Variants in PRTG observed in about 807,000 individuals in gnomAD.
PRTG encodes the protein immunoglobulin superfamily, DCC subclass, member 5.
Under a neutral mutation model 122.5 loss-of-function variants are expected in PRTG, and 67 were observed. The ratio of observed to expected loss-of-function variants is 0.55; its 90% CI spans 0.45 to 0.67. The LOEUF (loss-of-function observed/expected upper bound fraction) is 0.67, where lower values mean the gene tolerates loss of function less well. PRTG is among the 30% of genes least tolerant of loss of function. The pLI is 0.00. For synonymous variants in PRTG, 554 were observed against 501.1 expected, an observed-to-expected ratio of 1.11 and a Z score of -1.41; for missense variants, 1,435 against 1,415.4, an observed-to-expected ratio of 1.01 and a Z score of -0.22.
At chr15:55,683,673 G>A (rs1451600536) in intron 3 of PRTG, 114 bp downstream of exon 3, 2 of 789,568 alleles carry the variant, frequency 2.5e-6, no homozygotes, top group African/African-American at 3.5e-5. Flanking sequence ...TAAGCAATCA[G>A]TTATTACTGC....
intron 2 of PRTG, among the ~76,000 whole-genome samples, chr15:55,737,662 C>T (rs2031452571): frequency 6.6e-6 from 1 of 152,086 alleles, no homozygotes; most frequent in African/African-American, 2.4e-5. Context: ...ACCTTTTAAC[C>T]CTGTGAATTC....
chr15:55,627,226 T>C, intron 16 of PRTG, 98 bp from the exon 17 acceptor site: 1 of 759,692 alleles, frequency 1.3e-6, no homozygotes, highest in Non-Finnish European at 1.9e-6. Context: ...TTTCTTTATC[T>C]CATAGGAAAA....
chr15:55,696,273 C>G (rs1289780198), intron 2 of PRTG, among the ~76,000 whole-genome samples: 2 of 152,118 alleles, frequency 1.3e-5, no homozygotes, highest in African/African-American at 4.8e-5. Context: ...AAAAAAAGAA[C>G]ACGGGGAAAT....
chr15:55,652,317 A>T (rs1018256807), intron 11 of PRTG, among the ~76,000 whole-genome samples: 1 of 152,184 alleles, frequency 6.6e-6, no homozygotes, highest in African/African-American at 2.4e-5. Flanking sequence ...TGATCAGAAT[A>T]AGTAGGTAGG....
chr15:55,646,182 T>G lies in PRTG; in HGVS notation c.2042-4974A>C, dbSNP rs576882789. On this transcript the variant is annotated intron_variant, in intron 11 of 19. Transcript: ENST00000389286. ...CCACCATGCCCAGCTAGTTTTTTTTTTTTTTTTTTTTAGTACAGACGGGGT... is the reference window on the plus strand; with the variant it reads ...CCACCATGCCCAGCTAGTTTTTTTTGTTTTTTTTTTTAGTACAGACGGGGT... Among the ~76,000 whole-genome samples the G allele has an allele frequency of 6.5e-3, 979 of 150,446 alleles. 14 individuals are homozygous for G. Among genetic ancestry groups the G allele is most frequent in the African/African-American group, 0.023 (935 of 41,044 alleles).
chr15:55,738,002 C>CTCTCTCTCTATA lies in PRTG; in HGVS notation c.397+2379_397+2380insTATAGAGAGAGA, dbSNP rs1248440584. Reference sequence around the variant, plus strand: ...TCTCTCTCTCTCTCTCTCTCTCTCTCTATATATATATATATATATATATAC... The same window carrying CTCTCTCTCTATA: ...TCTCTCTCTCTCTCTCTCTCTCTCTCTCTCTCTCTATATATATATATATATATATATATATAC... On this transcript the variant is annotated intron_variant, in intron 2 of 19. Transcript: ENST00000389286. Among the ~76,000 whole-genome samples, 77 of 96,668 alleles carry CTCTCTCTCTATA rather than the reference C, an allele frequency of 8.0e-4. 1 individual carries two copies. Among genetic ancestry groups the CTCTCTCTCTATA allele is most frequent in the Non-Finnish European group, 1.1e-3 (55 of 48,860 alleles). 63.4% of individuals were successfully genotyped at this position (96,668 alleles called of 152,430 possible). A position where few individuals can be genotyped will look rare whatever the true frequency, so the allele number is the denominator to read the frequency against.
rs530597519 is a variant in PRTG, at chr15:55,716,248, AAACAAC to A, written c.397+24128_397+24133del. 5.3e-5 allele frequency among the ~76,000 whole-genome samples: 8 copies of A among 152,086 alleles called. No homozygotes were observed. In the South Asian group the frequency reaches 6.2e-4, roughly 12 times the overall value. ...TCTGTCTCAAAAACAGAAAACAAACAAACAACAACAACAACAACAAAACAATCAACT... is the reference window on the plus strand; with the variant it reads ...TCTGTCTCAAAAACAGAAAACAAACAAACAACAACAACAAAACAATCAACT... On this transcript the variant is annotated intron_variant, in intron 2 of 19. Coordinates refer to ENST00000389286, the MANE Select transcript of PRTG (RefSeq NM_173814.6).
At chr15:55,665,051 G>A (rs1015077444) in intron 11 of PRTG, among the ~76,000 whole-genome samples, 1 of 151,916 alleles carries the variant, frequency 6.6e-6, no homozygotes, top group Non-Finnish European at 1.5e-5. Flanking sequence ...GAGGTCAGGA[G>A]ATCGAGACCA....
rs1186486242 is a variant in PRTG at position 55,617,220 on chromosome 15, TG to T, written c.*2791del. ...TCAATGAGACCAAAGTATTTATTTT[TG>T]GTAAAAAAAAAAAATTTTCTCTCCA... On this transcript the variant is annotated 3_prime_UTR_variant, in exon 20 of 20. Transcript: ENST00000389286. 8.1e-5 allele frequency: 1 copy of T among 12,274 alleles called. No homozygotes were observed. The highest frequency in any genetic ancestry group is 4.4e-4 in the Non-Finnish European group (1 of 2,276). The allele number at this position is 12,274 out of a possible 1,614,324, so 0.8% of individuals were successfully genotyped here. A position where few individuals can be genotyped will look rare whatever the true frequency, so the allele number is the denominator to read the frequency against.
chr15:55,669,274 G>A (rs2059455266), intron 11 of PRTG, among the ~76,000 whole-genome samples: 1 of 152,106 alleles, frequency 6.6e-6, no homozygotes, highest in Non-Finnish European at 1.5e-5. Context: ...GCAAACAGAA[G>A]CATTTAAATT....
rs529547736 is a variant in PRTG at position 55,706,101 on chromosome 15, C to G, written c.398-22170G>C. The stretch of plus-strand genomic sequence containing the variant: ...GGTCTCAATCTCCTGACCTCGTCAT[C>G]TGCCCACTTTGGCCTCCCAAAGTGT... On this transcript the variant is annotated intron_variant, in intron 2 of 19. Transcript: ENST00000389286. 8.1e-5 allele frequency among the ~76,000 whole-genome samples: 12 copies of G among 149,056 alleles called. No homozygotes were observed. The South Asian group carries it at 2.3e-3, about 29-fold the overall frequency.
intron 2 of PRTG, among the ~76,000 whole-genome samples, chr15:55,709,145 C>CAAAAAAAAAAAAA (rs3985769): frequency 2.1e-4 from 11 of 51,844 alleles, no homozygotes; most frequent in African/African-American, 8.8e-4. Flanking sequence ...GACTCTGTCT[C>CAAAAAAAAAAAAA]AAAAAAAAAA....
intron 2 of PRTG, among the ~76,000 whole-genome samples, chr15:55,733,207 C>A (rs2031296181): frequency 6.6e-6 from 1 of 151,828 alleles, no homozygotes; most frequent in Non-Finnish European, 1.5e-5. Flanking sequence ...GACTCTGTCT[C>A]AAAAAATAGT....
At chr15:55,719,829 T>A (rs1300543911) in intron 2 of PRTG, among the ~76,000 whole-genome samples, 2 of 151,912 alleles carry the variant, frequency 1.3e-5, no homozygotes, top group African/African-American at 4.8e-5. Context: ...GAGGTCGAGG[T>A]GGGCAGATCA....
intron 16 of PRTG, among the ~76,000 whole-genome samples, chr15:55,628,216 C>T (rs1481702774): frequency 6.6e-6 from 1 of 152,106 alleles, no homozygotes; most frequent in African/African-American, 2.4e-5. Flanking sequence ...TTTAGAGCAG[C>T]CCCTCTTCTC....
At chr15:55,727,346 TAAA>T (rs2031070677) in intron 2 of PRTG, among the ~76,000 whole-genome samples, 1 of 150,318 alleles carries the variant, frequency 6.7e-6, no homozygotes, top group Non-Finnish European at 1.5e-5. Context: ...TTAAAAAAAA[TAAA>T]AAAGATGATA....
chr15:55,616,158 C>T lies in PRTG; in HGVS notation c.*3854G>A, dbSNP rs986412080. The T allele has an allele frequency of 6.6e-6, 1 of 152,032 alleles. No homozygotes were observed. Among genetic ancestry groups the T allele is most frequent in the Middle Eastern group, 3.2e-3 (1 of 316 alleles). 9.4% of individuals were successfully genotyped at this position (152,032 alleles called of 1,614,324 possible). ...CTTTTAGGCTAATCAAAATATAAAA[C>T]CCCAGATTTCATTAAAAATTTTTTC... On this transcript the variant is annotated 3_prime_UTR_variant, in exon 20 of 20. Coordinates refer to ENST00000389286, the MANE Select transcript of PRTG (RefSeq NM_173814.6).
At chr15:55,645,430 TCTC>T (rs2059316135) in intron 11 of PRTG, among the ~76,000 whole-genome samples, 1 of 8,510 alleles carries the variant, frequency 1.2e-4, no homozygotes, top group Non-Finnish European at 8.7e-4. Flanking sequence ...CGAAACTCCG[TCTC>T]AAAAAAAAAA....
intron 2 of PRTG, 85 bp downstream of exon 2, chr15:55,740,297 T>A (rs1387981555): frequency 7.8e-7 from 1 of 1,279,268 alleles, no homozygotes; most frequent in African/African-American, 1.5e-5. Flanking sequence ...CATGCATGAT[T>A]CGGGGGATTA....
Sources: gnomAD v4.1 joint callset for allele counts (sites outside exome capture counted in the v4.1 genomes callset) on GRCh38, gnomAD v4.1.1 for gene constraint, MANE v1.5 for transcripts, NCBI Gene and HGNC (gene_info 2026-07-23, HGNC 2026-07-21) for gene names.